FAR2: variants seen among roughly 807,000 people sequenced by gnomAD.
FAR2 encodes fatty acyl-CoA reductase 2.
Under a neutral mutation model 56.0 loss-of-function variants are expected in FAR2, and 19 were observed. That is an observed-to-expected ratio of 0.34 (90% CI 0.24 to 0.50). The LOEUF (loss-of-function observed/expected upper bound fraction) is 0.50, where lower values mean the gene tolerates loss of function less well. Ranked by LOEUF, FAR2 falls within the 20% of genes least tolerant of loss-of-function variation. The pLI is 0.98. For missense variants in FAR2, 508 were observed against 642.2 expected (o/e 0.79, Z 2.26); for synonymous variants, 219 against 218.8 (o/e 1.00, Z -0.01).
intron 8 of FAR2, 43 bp from the exon 9 acceptor site, chr12:29,316,798 A>C: frequency 6.3e-7 from 1 of 1,591,870 alleles, no homozygotes; most frequent in Non-Finnish European, 8.6e-7. Flanking sequence ...ATGGACTTAT[A>C]TTCTCCTTTT....
chr12:29,251,103 T>A (rs1948202360), intron 1 of FAR2, among the ~76,000 whole-genome samples: 1 of 152,164 alleles, frequency 6.6e-6, no homozygotes, highest in Non-Finnish European at 1.5e-5. Context: ...AGAAGTGAAG[T>A]GGATAGAGAA....
chr12:29,244,146 C>A (rs949001711), intron 1 of FAR2, among the ~76,000 whole-genome samples: 3 of 152,176 alleles, frequency 2.0e-5, no homozygotes, highest in Non-Finnish European at 4.4e-5. Context: ...CTCCCAATAT[C>A]TGATTGAGTT....
chr12:29,299,642 G>C (rs1949128294), intron 4 of FAR2, among the ~76,000 whole-genome samples: 1 of 152,130 alleles, frequency 6.6e-6, no homozygotes. Flanking sequence ...AAAAAACAGG[G>C]AAAAGTCATA....
intron 1 of FAR2, among the ~76,000 whole-genome samples, chr12:29,255,266 C>A (rs1056769517): frequency 1.3e-4 from 20 of 152,196 alleles, no homozygotes. Flanking sequence ...CTCACATAGC[C>A]TTTCTCTGTG....
intron 1 of FAR2, among the ~76,000 whole-genome samples, chr12:29,231,841 AC>A (rs1947862553): frequency 6.6e-6 from 1 of 152,204 alleles, no homozygotes; most frequent in Non-Finnish European, 1.5e-5. Context: ...GGATACAGAA[AC>A]AAAAAAGAAA....
At chr12:29,236,550 T>G (rs1432718996) in intron 1 of FAR2, among the ~76,000 whole-genome samples, 1 of 152,028 alleles carries the variant, frequency 6.6e-6, no homozygotes, top group Non-Finnish European at 1.5e-5. Context: ...TGGCAGCAGG[T>G]GGGAGAGAAA....
At chr12:29,263,666 G>A (rs1057066932) in intron 1 of FAR2, among the ~76,000 whole-genome samples, 1 of 122,684 alleles carries the variant, frequency 8.2e-6, no homozygotes, top group Admixed American at 8.8e-5. Context: ...ATTCTTGGTA[G>A]GTTGTACATT....
chr12:29,270,623 G>T lies in FAR2; in HGVS notation c.174G>T (p.Gln58His). The change falls in exon 2 of 12, where the codon CAG (glutamine) becomes CAT (histidine). Residue 58 changes from glutamine (Q) to histidine (H), a missense_variant. Coordinates refer to ENST00000536681, the MANE Select transcript of FAR2 (RefSeq NM_001271783.2). ...AGQTLQQRVF[Q>H]ILDSKLFEKV... ...AGACACTGCAGCAGAGGGTTTTCCA[G>T]ATCCTAGACAGTAAGGTATGCCTTA... 6.2e-7 allele frequency: 1 copy of T among 1,612,124 alleles called. No individual in the cohort carries two copies. The highest frequency in any genetic ancestry group is 2.2e-5 in the East Asian group (1 of 44,822).
At chr12:29,323,818 G>A (rs1949596097) in intron 10 of FAR2, among the ~76,000 whole-genome samples, 1 of 152,162 alleles carries the variant, frequency 6.6e-6, no homozygotes, top group Admixed American at 6.6e-5. Context: ...AGAAAAACCG[G>A]AAACGCTAAA....
chr12:29,268,027 A>G (rs1005110197), intron 1 of FAR2, among the ~76,000 whole-genome samples: 2 of 152,212 alleles, frequency 1.3e-5, no homozygotes, highest in East Asian at 3.8e-4. Flanking sequence ...AAATTTTTTT[A>G]GTAAATAATT....
In FAR2 at chr12:29,154,161, C is replaced by T. The variant is rs959932318; in HGVS notation, c.-39+4754C>T. On this transcript the variant is annotated intron_variant, in intron 1 of 11. Coordinates refer to ENST00000536681, the MANE Select transcript of FAR2 (RefSeq NM_001271783.2). The stretch of plus-strand genomic sequence containing the variant: ...CATAGATGGAATATGGTGTAATTTC[C>T]TAAAATGAGAAAAATTAGGGAAGAA... 2.0e-5 allele frequency among the ~76,000 whole-genome samples: 3 copies of T among 152,214 alleles called. No individual in the cohort carries two copies. The East Asian group carries it at 5.8e-4, about 29-fold the overall frequency.
At chr12:29,175,092 C>T (rs1268630352) in intron 1 of FAR2, among the ~76,000 whole-genome samples, 3 of 152,234 alleles carry the variant, frequency 2.0e-5, no homozygotes, top group Admixed American at 2.0e-4. Flanking sequence ...TCACTTTCAA[C>T]TGGCTGACAG....
intron 1 of FAR2, among the ~76,000 whole-genome samples, chr12:29,266,665 C>G (rs1328395685): frequency 6.6e-6 from 1 of 151,852 alleles, no homozygotes; most frequent in Admixed American, 6.6e-5. Context: ...GTTTGTAACA[C>G]AAAGAATGGA....
At chr12:29,168,336 A>C (rs917204998) in intron 1 of FAR2, among the ~76,000 whole-genome samples, 1 of 152,186 alleles carries the variant, frequency 6.6e-6, no homozygotes, top group Non-Finnish European at 1.5e-5. Flanking sequence ...TACCCTGATG[A>C]TATTTCTGGT....
At chr12:29,237,934 A>G (rs1947965480) in intron 1 of FAR2, among the ~76,000 whole-genome samples, 1 of 152,118 alleles carries the variant, frequency 6.6e-6, no homozygotes, top group Non-Finnish European at 1.5e-5. Context: ...GAGCTGCATA[A>G]CTCAGGGAAC....
intron 1 of FAR2, among the ~76,000 whole-genome samples, chr12:29,238,567 G>C (rs1199081647): frequency 6.6e-6 from 1 of 152,004 alleles, no homozygotes; most frequent in Non-Finnish European, 1.5e-5. Flanking sequence ...TAAGAGTATA[G>C]AGAAATCCTG....
chr12:29,274,788 A>AGG, intron 2 of FAR2, among the ~76,000 whole-genome samples: 1 of 147,966 alleles, frequency 6.8e-6, no homozygotes, highest in South Asian at 2.2e-4. Context: ...GCCAGAGAAC[A>AGG]ATCCCCCTTT....
chr12:29,264,870 C>T (rs533437468), intron 1 of FAR2, among the ~76,000 whole-genome samples: 2 of 149,122 alleles, frequency 1.3e-5, no homozygotes, highest in African/African-American at 2.4e-5. Flanking sequence ...AGTAGTATTT[C>T]TATATGCCCA....
intron 1 of FAR2, among the ~76,000 whole-genome samples, chr12:29,234,456 C>T (rs536679572): frequency 6.6e-6 from 1 of 152,114 alleles, no homozygotes; most frequent in East Asian, 1.9e-4. Context: ...AATTTCTGTC[C>T]CTTCTTTCAC....
Sources: gnomAD v4.1 joint callset for allele counts (sites outside exome capture counted in the v4.1 genomes callset) on GRCh38, gnomAD v4.1.1 for gene constraint, MANE v1.5 for transcripts, NCBI Gene and HGNC (gene_info 2026-07-23, HGNC 2026-07-21) for gene names.